CPNE8: variants seen among roughly 807,000 people sequenced by gnomAD.
CPNE8 encodes copine-8.
Under a neutral mutation model 81.5 loss-of-function variants are expected in CPNE8, and 45 were observed. The ratio of observed to expected loss-of-function variants is 0.55; its 90% confidence interval spans 0.44 to 0.71. The LOEUF is 0.71. CPNE8 is among the 30% of genes least tolerant of loss of function. The probability of loss-of-function intolerance (pLI) is 0.00; values close to 1 mark genes in which losing one functional copy is unlikely to be tolerated. For missense variants in CPNE8, 594 were observed against 672.1 expected, an observed-to-expected ratio of 0.88 and a Z score of 1.28; for synonymous variants, 252 against 226.3, an observed-to-expected ratio of 1.11 and a Z score of -1.02.
intron 10 of CPNE8, among the ~76,000 whole-genome samples, chr12:38,748,388 T>C (rs559618050): frequency 6.6e-6 from 1 of 152,324 alleles, no homozygotes; most frequent in East Asian, 1.9e-4. Context: ...GGTTGTTCTA[T>C]CATAAATAAC....
chr12:38,859,192 A>C (rs1345014796), intron 3 of CPNE8, among the ~76,000 whole-genome samples: 1 of 152,160 alleles, frequency 6.6e-6, no homozygotes, highest in Admixed American at 6.5e-5. Context: ...AGGTTAAAAA[A>C]AAAAATCCCA....
At chr12:38,810,844 C>G (rs1313823821) in intron 6 of CPNE8, among the ~76,000 whole-genome samples, 1 of 152,112 alleles carries the variant, frequency 6.6e-6, no homozygotes, top group Non-Finnish European at 1.5e-5. Context: ...TCATTTTCTT[C>G]TCATGATTTC....
At chr12:38,763,511 T>G (rs1941615014) in intron 8 of CPNE8, among the ~76,000 whole-genome samples, 1 of 152,240 alleles carries the variant, frequency 6.6e-6, no homozygotes, top group Admixed American at 6.5e-5. Context: ...GTGTGGGTTC[T>G]TTCTTTATCT....
At chr12:38,835,136 C>T (rs765285632) in intron 5 of CPNE8, among the ~76,000 whole-genome samples, 2 of 152,104 alleles carry the variant, frequency 1.3e-5, no homozygotes, top group African/African-American at 2.4e-5. Flanking sequence ...CTGCCCACCT[C>T]GGCCTCTCAA....
chr12:38,901,730 TA>T (rs1944464624), intron 1 of CPNE8, among the ~76,000 whole-genome samples: 1 of 152,120 alleles, frequency 6.6e-6, no homozygotes, highest in South Asian at 2.1e-4. Context: ...TAAGTGGCTA[TA>T]AATTTAACCA....
At chr12:38,898,519 C>G (rs1592163622) in intron 1 of CPNE8, among the ~76,000 whole-genome samples, 1 of 152,222 alleles carries the variant, frequency 6.6e-6, no homozygotes, top group Non-Finnish European at 1.5e-5. Context: ...ACAACTTTAC[C>G]CTCTGTTTAC....
chr12:38,799,053 T>C (rs1942585048), intron 6 of CPNE8, among the ~76,000 whole-genome samples: 4 of 152,108 alleles, frequency 2.6e-5, no homozygotes, highest in Admixed American at 2.6e-4. Flanking sequence ...ATAAAGCAAG[T>C]CCTCAGTGAC....
At chr12:38,797,189 G>C (rs71381037) in intron 6 of CPNE8, among the ~76,000 whole-genome samples, 2 of 152,206 alleles carry the variant, frequency 1.3e-5, no homozygotes. Flanking sequence ...GCTTTGAACA[G>C]AGCAGTGGTT....
At position 38,821,677 on chromosome 12, in the gene CPNE8, A is replaced by C. The variant is rs371772935; in HGVS notation, c.407+7702T>G. 2.2e-4 allele frequency among the ~76,000 whole-genome samples: 33 copies of C among 152,298 alleles called. 1 individual carries two copies. The East Asian group carries it at 5.8e-3, about 27-fold the overall frequency. On this transcript the variant is annotated intron_variant, in intron 6 of 19. Coordinates refer to ENST00000331366, the MANE Select transcript of CPNE8 (RefSeq NM_153634.3). Reference sequence around the variant, plus strand: ...GGTCATATCCTTTACAATCCTTTCCATCCAGAAGAGTTCTTCATCTGTATG... The same window carrying C: ...GGTCATATCCTTTACAATCCTTTCCCTCCAGAAGAGTTCTTCATCTGTATG...
intron 19 of CPNE8, among the ~76,000 whole-genome samples, chr12:38,658,735 G>T (rs1261656296): frequency 1.3e-5 from 2 of 152,120 alleles, no homozygotes; most frequent in African/African-American, 2.4e-5. Context: ...AGAGAGTGGG[G>T]ACCAATATTC....
intron 16 of CPNE8, chr12:38,679,675 G>T: frequency 1.0e-6 from 1 of 984,932 alleles, no homozygotes; most frequent in Non-Finnish European, 1.2e-6. Flanking sequence ...TTTGGCACTT[G>T]TTCTACACGT....
intron 6 of CPNE8, among the ~76,000 whole-genome samples, chr12:38,788,439 G>A (rs1294522538): frequency 1.3e-5 from 2 of 151,726 alleles, no homozygotes; most frequent in Non-Finnish European, 1.5e-5. Context: ...TAAAAAGTGG[G>A]TATAAAAGAA....
At chr12:38,808,953 TTGACAAAAA>T (rs1942879540) in intron 6 of CPNE8, among the ~76,000 whole-genome samples, 1 of 151,024 alleles carries the variant, frequency 6.6e-6, no homozygotes, top group Non-Finnish European at 1.5e-5. Flanking sequence ...ATATGATATA[TTGACAAAAA>T]TTTAAGTCTG....
chr12:38,704,834 A>G (rs373199898), intron 13 of CPNE8, among the ~76,000 whole-genome samples: 1 of 81,396 alleles, frequency 1.2e-5, no homozygotes, highest in South Asian at 3.6e-4. Flanking sequence ...GTGTATATAT[A>G]TATATATATA....
chr12:38,728,638 C>A, intron 11 of CPNE8, among the ~76,000 whole-genome samples: 1 of 151,912 alleles, frequency 6.6e-6, no homozygotes, highest in Non-Finnish European at 1.5e-5. Flanking sequence ...TTAAGCATAA[C>A]AACATAAGTA....
chr12:38,774,370 A>T (rs2136885822), intron 7 of CPNE8, among the ~76,000 whole-genome samples: 1 of 152,290 alleles, frequency 6.6e-6, no homozygotes, highest in East Asian at 1.9e-4. Context: ...CTCCTTTATC[A>T]TACAAAACAT....
chr12:38,886,053 G>T (rs1031784467), intron 1 of CPNE8, among the ~76,000 whole-genome samples: 11 of 152,154 alleles, frequency 7.2e-5, no homozygotes, highest in Non-Finnish European at 1.3e-4. Flanking sequence ...GTTCTTTACA[G>T]CAAGGGGAGA....
intron 6 of CPNE8, among the ~76,000 whole-genome samples, chr12:38,803,530 G>T (rs1044497457): frequency 4.2e-5 from 6 of 142,508 alleles, no homozygotes; most frequent in African/African-American, 1.5e-4. Context: ...AGCTATCTAT[G>T]ACAAACCCAC....
At chr12:38,796,943 G>A (rs1592097600) in intron 6 of CPNE8, among the ~76,000 whole-genome samples, 2 of 152,204 alleles carry the variant, frequency 1.3e-5, no homozygotes, top group East Asian at 1.9e-4. Context: ...CTCGCTGATT[G>A]CTAGCACAGC....
Sources: gnomAD v4.1 joint callset for allele counts (sites outside exome capture counted in the v4.1 genomes callset) on GRCh38, gnomAD v4.1.1 for gene constraint, MANE v1.5 for transcripts, NCBI Gene and HGNC (gene_info 2026-07-23, HGNC 2026-07-21) for gene names.